CHRM2: variants seen among roughly 807,000 people sequenced by gnomAD.
CHRM2 encodes muscarinic acetylcholine receptor M2.
Under a neutral mutation model 25.0 loss-of-function variants are expected in CHRM2, and 8 were observed. The observed-to-expected ratio is 0.32, with a 90% confidence interval of 0.19 to 0.58. CHRM2 has a LOEUF of 0.58. Ranked by LOEUF, CHRM2 falls within the 20% of genes least tolerant of loss-of-function variation. The pLI is 0.88. For missense variants in CHRM2, 440 were observed against 567.1 expected, an observed-to-expected ratio of 0.78 and a Z score of 2.28; for synonymous variants, 202 against 205.7, an observed-to-expected ratio of 0.98 and a Z score of 0.15.
rs536291861 is a variant in CHRM2, at chr7:136,973,983, C to T, written c.-124-18204C>T. Among the ~76,000 whole-genome samples the T allele has an allele frequency of 1.1e-4, 16 of 152,158 alleles. No homozygotes were observed. In the East Asian group the frequency reaches 3.1e-3, roughly 29 times the overall value. The stretch of plus-strand genomic sequence containing the variant: ...TAAGAATGGATAATAGTGAAATTGC[C>T]TTTCTTGAGAATAGAACATTTTGTA... On this transcript the variant is annotated intron_variant, in intron 2 of 3. Transcript: ENST00000680005.
In CHRM2 at chr7:136,968,409, C is replaced by A. The variant is rs1040950033; in HGVS notation, c.-124-23778C>A. 2.8e-5 allele frequency among the ~76,000 whole-genome samples: 4 copies of A among 141,134 alleles called. No individual in the cohort carries two copies. The South Asian group carries it at 6.9e-4, about 24-fold the overall frequency. The allele number at this position is 141,134 out of a possible 152,430, so 92.6% of individuals were successfully genotyped here. A position where few individuals can be genotyped will look rare whatever the true frequency, so the allele number is the denominator to read the frequency against. ...TGCTGAGGGTGTAGAACAAAGGGAA[C>A]CCTTGTATGCTGTTGGTGGGAGTGT... On this transcript the variant is annotated intron_variant, in intron 2 of 3. Coordinates refer to ENST00000680005, the MANE Select transcript of CHRM2 (RefSeq NM_001006630.2).
At chr7:136,896,704 A>G (rs546796507) in intron 2 of CHRM2, among the ~76,000 whole-genome samples, 7 of 152,290 alleles carry the variant, frequency 4.6e-5, no homozygotes, top group African/African-American at 1.7e-4. Context: ...AATCACAAGA[A>G]GCGAGAATAT....
At position 136,959,361 on chromosome 7, in the gene CHRM2, A is replaced by G. The variant is rs368345891; in HGVS notation, c.-124-32826A>G. ...TGATTTGAGTGGAGGACTAACAAGA[A>G]ATGCGTTTATTGAGATAGGAGTGCC... On this transcript the variant is annotated intron_variant, in intron 2 of 3. Coordinates refer to ENST00000680005, the MANE Select transcript of CHRM2 (RefSeq NM_001006630.2). 3.9e-5 allele frequency among the ~76,000 whole-genome samples: 6 copies of G among 152,216 alleles called. No homozygotes were observed. The East Asian group carries it at 5.8e-4, about 15-fold the overall frequency.
At chr7:136,975,160 G>T (rs1468716111) in intron 2 of CHRM2, among the ~76,000 whole-genome samples, 1 of 152,170 alleles carries the variant, frequency 6.6e-6, no homozygotes, top group Non-Finnish European at 1.5e-5. Context: ...TGCAGAAAGT[G>T]TCAGGATGTA....
intron 2 of CHRM2, among the ~76,000 whole-genome samples, chr7:136,923,954 A>G (rs909752461): frequency 6.6e-6 from 1 of 152,280 alleles, no homozygotes; most frequent in East Asian, 1.9e-4. Flanking sequence ...TTGAGGCTGC[A>G]ATGACCTATG....
chr7:136,970,790 T>C (rs1801713604), intron 2 of CHRM2, among the ~76,000 whole-genome samples: 1 of 152,220 alleles, frequency 6.6e-6, no homozygotes, highest in South Asian at 2.1e-4. Context: ...ACCTCTCTTT[T>C]TGTAACTTTG....
chr7:136,965,886 T>C (rs1448004169), intron 2 of CHRM2, among the ~76,000 whole-genome samples: 1 of 151,876 alleles, frequency 6.6e-6, no homozygotes, highest in African/African-American at 2.4e-5. Context: ...AAATGAGCCA[T>C]GATGTGTTGA....
intron 2 of CHRM2, among the ~76,000 whole-genome samples, chr7:136,874,195 C>T (rs559458754): frequency 6.6e-6 from 1 of 152,264 alleles, no homozygotes; most frequent in East Asian, 1.9e-4. Context: ...TTCTGAATTT[C>T]AATGGCCCCA....
At chr7:137,012,275 T>G (rs1403919153) in intron 3 of CHRM2, among the ~76,000 whole-genome samples, 1 of 152,042 alleles carries the variant, frequency 6.6e-6, no homozygotes, top group East Asian at 1.9e-4. Context: ...GCTGAGCTAT[T>G]AAGAAATTGT....
intron 3 of CHRM2, among the ~76,000 whole-genome samples, chr7:137,012,818 A>G (rs1381088377): frequency 6.6e-6 from 1 of 152,010 alleles, no homozygotes; most frequent in South Asian, 2.1e-4. Flanking sequence ...TTCCTGAGAC[A>G]AGTGTTTCTT....
In CHRM2 at chr7:136,989,380, G is replaced by T. The variant is rs572637842; in HGVS notation, c.-124-2807G>T. 2.0e-5 allele frequency among the ~76,000 whole-genome samples: 3 copies of T among 152,200 alleles called. No homozygotes were observed. The East Asian group carries it at 5.8e-4, about 29-fold the overall frequency. On this transcript the variant is annotated intron_variant, in intron 2 of 3. Transcript: ENST00000680005. Reference sequence around the variant, plus strand: ...ACACAGTGATTAATGACTGGAGAAGGACTCAAATTTATCTTAGTATGATGC... The same window carrying T: ...ACACAGTGATTAATGACTGGAGAAGTACTCAAATTTATCTTAGTATGATGC...
chr7:136,879,896 T>C (rs899080285), intron 2 of CHRM2, among the ~76,000 whole-genome samples: 14 of 151,928 alleles, frequency 9.2e-5, no homozygotes, highest in African/African-American at 3.1e-4. Flanking sequence ...AAAATGAGAT[T>C]TTCCTATCAT....
intron 2 of CHRM2, among the ~76,000 whole-genome samples, chr7:136,983,565 T>C (rs999403048): frequency 2.0e-4 from 30 of 152,210 alleles, no homozygotes; most frequent in Non-Finnish European, 4.4e-5. Flanking sequence ...CTCATCTTCA[T>C]GGATTTATCT....
rs1293852551 is a variant in CHRM2 at position 137,019,685 on chromosome 7, T to G, written c.*3419T>G. 6.6e-6 allele frequency: 1 copy of G among 151,858 alleles called. No homozygotes were observed. Among genetic ancestry groups the G allele is most frequent in the Non-Finnish European group, 1.5e-5 (1 of 67,878 alleles). The allele number at this position is 151,858 out of a possible 1,614,324, so 9.4% of individuals were successfully genotyped here. Reference sequence around the variant, plus strand: ...TCTTCGAAACAAGAAATGATTTTCCTTTTACCAGTTCATCATTAATTTAAC... The same window carrying G: ...TCTTCGAAACAAGAAATGATTTTCCGTTTACCAGTTCATCATTAATTTAAC... On this transcript the variant is annotated 3_prime_UTR_variant, in exon 4 of 4. Coordinates refer to ENST00000680005, the MANE Select transcript of CHRM2 (RefSeq NM_001006630.2).
chr7:137,009,208 T>C (rs902943754), intron 3 of CHRM2, among the ~76,000 whole-genome samples: 1 of 152,108 alleles, frequency 6.6e-6, no homozygotes, highest in Non-Finnish European at 1.5e-5. Context: ...TTGTTTTTTA[T>C]ATAATTCTCC....
rs555593833 is a variant in CHRM2 at position 136,884,654 on chromosome 7, C to T, written c.-125+15236C>T. Among the ~76,000 whole-genome samples the T allele has an allele frequency of 2.6e-4, 39 of 152,242 alleles. No homozygotes were observed. In the South Asian group the frequency reaches 7.2e-3, roughly 28 times the overall value. On this transcript the variant is annotated intron_variant, in intron 2 of 3. Transcript: ENST00000680005. ...ATAGAATGTGCTCCCAGACCACTGT[C>T]ACTTACACTGGGAATGTGATGTCCT... is the stretch of plus-strand genomic sequence containing the variant.
intron 2 of CHRM2, among the ~76,000 whole-genome samples, chr7:136,952,333 TTTC>T (rs1184542602): frequency 2.6e-5 from 4 of 152,344 alleles, no homozygotes; most frequent in South Asian, 2.1e-4. Context: ...ATTTTTCTCC[TTTC>T]TTCTTCTATT....
chr7:136,885,496 C>A (rs73445249), intron 2 of CHRM2, among the ~76,000 whole-genome samples: 1,897 of 152,212 alleles, frequency 0.012, 45 homozygotes, highest in African/African-American at 0.043. Flanking sequence ...CATTTCTGTC[C>A]CCCTGCAGTA....
At chr7:136,966,254 A>T (rs893774093) in intron 2 of CHRM2, among the ~76,000 whole-genome samples, 1 of 151,484 alleles carries the variant, frequency 6.6e-6, no homozygotes, top group African/African-American at 2.4e-5. Flanking sequence ...TTTTATTCTG[A>T]TATTGTTTTA....
Sources: allele counts gnomAD v4.1 joint callset (sites outside exome capture counted in the v4.1 genomes callset), GRCh38; gene constraint gnomAD v4.1.1; transcripts MANE v1.5; gene names NCBI Gene and HGNC (gene_info 2026-07-23, HGNC 2026-07-21).